Variants in PCDHGA2 observed in about 807,000 individuals in gnomAD.
PCDHGA2 encodes the protein protocadherin gamma subfamily A, 2, also known as protocadherin gamma-A2.
PCDHGA2 carries 40 observed loss-of-function variants against 59.2 expected under a neutral mutation model. The ratio of observed to expected loss-of-function variants is 0.68; its 90% CI spans 0.52 to 0.88. The LOEUF (loss-of-function observed/expected upper bound fraction) is 0.88, where lower values mean the gene tolerates loss of function less well. PCDHGA2 is among the 40% of genes least tolerant of loss of function. The probability of loss-of-function intolerance (pLI) is 0.00; values close to 1 mark genes in which losing one functional copy is unlikely to be tolerated. For synonymous variants in PCDHGA2, 560 were observed against 526.0 expected (o/e 1.06, Z -0.89); for missense variants, 1,226 against 1,204.0 (o/e 1.02, Z -0.27).
chr5:141,370,451 C>A, intron 1 of PCDHGA2: 1 of 1,611,138 alleles, frequency 6.2e-7, no homozygotes, highest in Non-Finnish European at 8.5e-7. Flanking sequence ...TGCTATTTCT[C>A]TTCCTGCTCT....
At chr5:141,345,171 G>A (rs1481815885) in intron 1 of PCDHGA2, 2 of 1,613,828 alleles carry the variant, frequency 1.2e-6, no homozygotes, top group Non-Finnish European at 1.7e-6. Context: ...TGGGCAGAAT[G>A]GGCAGGTTGA....
intron 2 of PCDHGA2, among the ~76,000 whole-genome samples, chr5:141,500,112 C>G (rs2099796438): frequency 6.8e-6 from 1 of 147,138 alleles, no homozygotes; most frequent in Non-Finnish European, 1.5e-5. Context: ...TGTTGAATCC[C>G]TGCCTTTTCA....
chr5:141,342,903 T>A (rs1006351262), intron 1 of PCDHGA2: 2 of 152,216 alleles, frequency 1.3e-5, no homozygotes, highest in Non-Finnish European at 2.9e-5. Context: ...CAAAGGAAAC[T>A]TCTTTCAGTA....
intron 1 of PCDHGA2, chr5:141,409,266 A>G (rs1285539149): frequency 1.1e-5 from 17 of 1,613,922 alleles, no homozygotes; most frequent in Non-Finnish European, 1.4e-5. Flanking sequence ...CTCTCTGATC[A>G]GATTTTGGAG....
chr5:141,405,609 G>A, intron 1 of PCDHGA2: 1 of 562,334 alleles, frequency 1.8e-6, no homozygotes. Context: ...AGAATAACTG[G>A]GACTACAGGC....
chr5:141,495,005 C>T (rs555909709), intron 2 of PCDHGA2, 140 bp downstream of exon 2: 1,141 of 1,522,692 alleles, frequency 7.5e-4, no homozygotes, highest in Non-Finnish European at 8.4e-4. Context: ...TCTTGGTGTG[C>T]GGGGGGCTGG....
At chr5:141,376,404 A>C in intron 1 of PCDHGA2, 1 of 1,614,178 alleles carries the variant, frequency 6.2e-7, no homozygotes, top group Non-Finnish European at 8.5e-7. Flanking sequence ...CCCCAGCCCA[A>C]CTATGCCGAC....
intron 1 of PCDHGA2, chr5:141,393,217 T>C (rs760159490): frequency 1.2e-6 from 2 of 1,613,564 alleles, no homozygotes; most frequent in Admixed American, 3.3e-5. Flanking sequence ...AAATTCCAGG[T>C]CGAAGATCTA....
chr5:141,441,018 TG>T (rs1482478700), intron 1 of PCDHGA2: 1 of 152,164 alleles, frequency 6.6e-6, no homozygotes, highest in Non-Finnish European at 1.5e-5. Context: ...GATCAAATAG[TG>T]GAGAAATGAA....
intron 1 of PCDHGA2, chr5:141,403,552 G>A (rs1228068556): frequency 1.2e-6 from 2 of 1,613,892 alleles, no homozygotes; most frequent in African/African-American, 1.3e-5. Flanking sequence ...AGCGCGCCCT[G>A]GACAGGGAGG....
At chr5:141,374,498 G>A in intron 1 of PCDHGA2, 8 of 1,611,504 alleles carry the variant, frequency 5.0e-6, no homozygotes, top group South Asian at 1.1e-5. Context: ...GGAAGAATTG[G>A]AAGTGAAAAT....
Position 141,415,740 on chromosome 5 carries a change from GTTTTTTTTTTTTTTTTTTT to G in PCDHGA2, c.2424+74359_2424+74377del, listed in dbSNP as rs57426385. ...TGAGTAGAATTTGATGTTTATTAAG[GTTTTTTTTTTTTTTTTTTT>G]TTTTTTTTTTTTTACTTTCTGGTAA... is the stretch of plus-strand genomic sequence containing the variant. On this transcript the variant is annotated intron_variant, in intron 1 of 3. Coordinates refer to ENST00000394576, the MANE Select transcript of PCDHGA2 (RefSeq NM_018915.4). The G allele has an allele frequency of 6.7e-5, 42 of 625,046 alleles. No individual in the cohort carries two copies. In the African/African-American group the frequency reaches 7.3e-4, roughly 11 times the overall value. 38.7% of individuals were successfully genotyped at this position (625,046 alleles called of 1,614,324 possible).
chr5:141,427,854 TGC>T (rs2097079964), intron 1 of PCDHGA2: 1 of 1,553,594 alleles, frequency 6.4e-7, no homozygotes, highest in Non-Finnish European at 8.8e-7. Context: ...CGAGCAGCTG[TGC>T]GCCTTCGAGC....
In PCDHGA2 at chr5:141,393,848, A is replaced by G. The variant is rs1368797606; in HGVS notation, c.2424+52453A>G. Reference sequence around the variant, plus strand: ...TGGAAGATGTAAATGACAATAGACCAGAAGTGATCATTACGTCTTTGTTTA... The same window carrying G: ...TGGAAGATGTAAATGACAATAGACCGGAAGTGATCATTACGTCTTTGTTTA... On this transcript the variant is annotated intron_variant, in intron 1 of 3. Transcript: ENST00000394576. 2.5e-6 allele frequency: 4 copies of G among 1,614,008 alleles called. No individual in the cohort carries two copies. The South Asian group carries it at 4.4e-5, about 18-fold the overall frequency.
chr5:141,483,811 C>A (rs1252197546), intron 1 of PCDHGA2, among the ~76,000 whole-genome samples: 1 of 152,102 alleles, frequency 6.6e-6, no homozygotes, highest in Non-Finnish European at 1.5e-5. Flanking sequence ...CTTTTTTTGG[C>A]AGCCAGTGTA....
intron 1 of PCDHGA2, chr5:141,440,019 G>A (rs747595475): frequency 6.5e-5 from 10 of 153,114 alleles, no homozygotes; most frequent in Non-Finnish European, 8.8e-5. Flanking sequence ...AAGGATCTGG[G>A]ACTCAGTGTC....
At chr5:141,364,988 C>A (rs1479313119) in intron 1 of PCDHGA2, 10 of 1,613,892 alleles carry the variant, frequency 6.2e-6, no homozygotes, top group East Asian at 4.5e-5. Context: ...TGGCGGAGAC[C>A]CGGTACTCTC....
rs767631394 is a variant in PCDHGA2 at position 141,340,179 on chromosome 5, G to A, written c.1208G>A (p.Arg403Gln). 3.7e-6 allele frequency: 6 copies of A among 1,614,154 alleles called. No individual in the cohort carries two copies. The highest frequency in any genetic ancestry group is 2.2e-5 in the East Asian group (1 of 44,878). Residue 403 changes from arginine to glutamine, a missense_variant, in exon 1 of 4, where the codon CGA becomes CAA. By Grantham distance (43) the Arg-to-Gln change is conservative (BLOSUM62 1). Transcript: ENST00000394576. The part of the protein sequence containing the change: ...KLEKSVDNYY[R>Q]LVTTRALDRE... ...GAAAAGTCAGTAGACAATTACTACC[G>A]ACTGGTTACAACCAGAGCCCTTGAC...
intron 1 of PCDHGA2, among the ~76,000 whole-genome samples, chr5:141,429,759 C>T (rs1233949322): frequency 6.6e-6 from 1 of 151,946 alleles, no homozygotes; most frequent in East Asian, 1.9e-4. Flanking sequence ...GAATTTTTTC[C>T]CTATATTTTG....
Sources: allele counts gnomAD v4.1 joint callset (sites outside exome capture counted in the v4.1 genomes callset), GRCh38; gene constraint gnomAD v4.1.1; transcripts MANE v1.5; gene names NCBI Gene and HGNC (gene_info 2026-07-23, HGNC 2026-07-21).